The following CDC14A variants were observed in gnomAD, a reference collection of about 807,000 sequenced individuals.
The protein encoded by CDC14A is dual specificity protein phosphatase CDC14A.
CDC14A carries 53 observed loss-of-function variants against 74.4 expected under a neutral mutation model. The observed-to-expected ratio is 0.71, with a 90% CI of 0.57 to 0.89. The LOEUF (loss-of-function observed/expected upper bound fraction) is 0.89. CDC14A is among the 40% of genes least tolerant of loss of function. CDC14A has a pLI of 0.00. For missense variants in CDC14A, 646 were observed against 713.7 expected, an observed-to-expected ratio of 0.91 and a Z score of 1.08; for synonymous variants, 247 against 258.4, an observed-to-expected ratio of 0.96 and a Z score of 0.43.
At chr1:100,379,255 G>A (rs1389258388) in intron 3 of CDC14A, among the ~76,000 whole-genome samples, 1 of 152,096 alleles carries the variant, frequency 6.6e-6, no homozygotes, top group East Asian at 1.9e-4. Flanking sequence ...TGAACAGTAT[G>A]GTAAGTATAT....
intron 4 of CDC14A, among the ~76,000 whole-genome samples, chr1:100,414,139 T>C (rs1661216542): frequency 6.6e-6 from 1 of 152,218 alleles, no homozygotes; most frequent in South Asian, 2.1e-4. Flanking sequence ...AATCCTAAGA[T>C]TTTGTCTTTG....
chr1:100,494,196 C>A (rs1647429808), intron 11 of CDC14A, among the ~76,000 whole-genome samples: 1 of 152,074 alleles, frequency 6.6e-6, no homozygotes, highest in African/African-American at 2.4e-5. Flanking sequence ...AGTGCCTCCC[C>A]CTGCATCAGG....
chr1:100,480,509 C>T (rs1449893244), intron 10 of CDC14A, among the ~76,000 whole-genome samples: 1 of 152,028 alleles, frequency 6.6e-6, no homozygotes, highest in African/African-American at 2.4e-5. Flanking sequence ...TGGGTATATA[C>T]CTAAAAGTGG....
intron 5 of CDC14A, among the ~76,000 whole-genome samples, chr1:100,434,627 G>A (rs1311744599): frequency 6.6e-6 from 1 of 152,186 alleles, no homozygotes; most frequent in African/African-American, 2.4e-5. Flanking sequence ...CATAGTGAGG[G>A]ATAGGATAAG....
rs1657970631 is a variant in CDC14A, at chr1:100,393,324, G to A, written c.309+2500G>A. ...TTTCCAGGCATTACATCCATGCTGT[G>A]ACATTAGTTTCAGATTCTCAGTTGT... On this transcript the variant is annotated intron_variant, in intron 4 of 15. Coordinates refer to ENST00000336454, the MANE Select transcript of CDC14A (RefSeq NM_003672.4). The A allele has an allele frequency of 1.2e-5, 13 of 1,046,462 alleles. No homozygotes were observed. The South Asian group carries it at 1.5e-4, about 12-fold the overall frequency. 64.8% of individuals were successfully genotyped at this position (1,046,462 alleles called of 1,614,324 possible).
intron 5 of CDC14A, among the ~76,000 whole-genome samples, chr1:100,438,255 T>A (rs1664561014): frequency 6.6e-6 from 1 of 152,126 alleles, no homozygotes; most frequent in Admixed American, 6.5e-5. Context: ...TATTTTAGTA[T>A]ATTTAAAATA....
chr1:100,372,101 G>A (rs1327143905), intron 2 of CDC14A, among the ~76,000 whole-genome samples: 3 of 152,208 alleles, frequency 2.0e-5, no homozygotes, highest in Non-Finnish European at 1.5e-5. Context: ...TAGTAGCATT[G>A]TGTCTAAGAA....
intron 2 of CDC14A, among the ~76,000 whole-genome samples, chr1:100,371,403 T>C (rs1654453196): frequency 6.6e-6 from 1 of 152,336 alleles, no homozygotes; most frequent in East Asian, 1.9e-4. Context: ...TTCCAGCTTT[T>C]GTTCATTCAG....
chr1:100,401,304 C>T (rs1659228854), intron 4 of CDC14A, among the ~76,000 whole-genome samples: 1 of 152,178 alleles, frequency 6.6e-6, no homozygotes, highest in Non-Finnish European at 1.5e-5. Flanking sequence ...ATGTCTGACA[C>T]ATCCTAAGCG....
chr1:100,456,899 T>C (rs1423664330), intron 8 of CDC14A, among the ~76,000 whole-genome samples: 1 of 152,242 alleles, frequency 6.6e-6, no homozygotes, highest in African/African-American at 2.4e-5. Context: ...TTCTTACTTA[T>C]AAGCTTGCTA....
rs1229733822 is a variant in CDC14A at position 100,508,124 on chromosome 1, T to TGTCCATTCTG, written c.1755+8864_1755+8873dup. 2.0e-5 allele frequency among the ~76,000 whole-genome samples: 3 copies of TGTCCATTCTG among 152,178 alleles called. No homozygotes were observed. The highest frequency in any genetic ancestry group is 7.2e-5 in the African/African-American group (3 of 41,450). On this transcript the variant is annotated intron_variant, in intron 15 of 15. Coordinates refer to ENST00000336454, the MANE Select transcript of CDC14A (RefSeq NM_003672.4). The surrounding 1 kb of genome is among the most constrained non-coding windows in gnomAD (Gnocchi z 4.4). ...TTCAATTCGTGAATTTTCTTTAATGTGTCCATTCTGGAGTATATCCCCCAA... is the reference window on the plus strand; with the variant it reads ...TTCAATTCGTGAATTTTCTTTAATGTGTCCATTCTGGTCCATTCTGGAGTATATCCCCCAA...
intron 15 of CDC14A, among the ~76,000 whole-genome samples, chr1:100,512,040 C>T (rs747939476): frequency 6.6e-6 from 1 of 152,006 alleles, no homozygotes; most frequent in Non-Finnish European, 1.5e-5. Context: ...TAAGCCTGAA[C>T]CCTAGCACTT....
chr1:100,404,601 CG>C (rs951989142), intron 4 of CDC14A, among the ~76,000 whole-genome samples: 1 of 152,062 alleles, frequency 6.6e-6, no homozygotes, highest in African/African-American at 2.4e-5. Flanking sequence ...GAGGCTGAGG[CG>C]GGTGGATCAT....
upstream of CDC14A, chr1:100,351,745 G>A (rs1651031772): frequency 1.3e-6 from 2 of 1,550,370 alleles, no homozygotes; most frequent in Non-Finnish European, 8.7e-7. Flanking sequence ...ATGAGAGGGC[G>A]TGGAGAACCA....
At chr1:100,345,488 G>A (rs1650334260) in intron 1 of CDC14A, among the ~76,000 whole-genome samples, 2 of 152,068 alleles carry the variant, frequency 1.3e-5, no homozygotes, top group South Asian at 4.1e-4. Flanking sequence ...AAGAAACAGA[G>A]TCCAAAATAA....
chr1:100,429,751 A>G (rs1663426709), intron 5 of CDC14A, among the ~76,000 whole-genome samples: 1 of 147,686 alleles, frequency 6.8e-6, no homozygotes, highest in African/African-American at 2.5e-5. Context: ...ATATTTATAT[A>G]TATATTATAT....
Position 100,487,487 on chromosome 1 carries a change from G to A in CDC14A, c.1137+3036G>A, listed in dbSNP as rs182216288. Among the ~76,000 whole-genome samples, 9 of 152,328 alleles carry A rather than the reference G, an allele frequency of 5.9e-5. No homozygotes were observed. The East Asian group carries it at 7.7e-4, about 13-fold the overall frequency. On this transcript the variant is annotated intron_variant, in intron 11 of 15. Coordinates refer to ENST00000336454, the MANE Select transcript of CDC14A (RefSeq NM_003672.4). ...TGAGGCATGAGAATCACTTGAACCC[G>A]AGAGGCGGAGGTTGCAGAGCTGAGA...
intron 1 of CDC14A, chr1:100,345,313 A>G (rs1004914882): frequency 2.0e-5 from 3 of 152,184 alleles, no homozygotes; most frequent in Admixed American, 1.3e-4. Context: ...TTCTTAATCT[A>G]TGCTTAATAT....
chr1:100,452,141 T>TAGTC (rs1172557635), intron 7 of CDC14A, among the ~76,000 whole-genome samples: 1 of 152,174 alleles, frequency 6.6e-6, no homozygotes, highest in Non-Finnish European at 1.5e-5. Context: ...AGTAAAAAGG[T>TAGTC]CAAATAGTTT....
Sources: allele counts gnomAD v4.1 joint callset (sites outside exome capture counted in the v4.1 genomes callset), GRCh38; gene constraint gnomAD v4.1.1; non-coding constraint Gnocchi (gnomAD v3.1); transcripts MANE v1.5; gene names NCBI Gene and HGNC (gene_info 2026-07-23, HGNC 2026-07-21).